ACBD6: variants seen among roughly 807,000 people sequenced by gnomAD.
ACBD6 encodes the protein acyl-CoA-binding domain-containing protein 6.
A neutral mutation model predicts 37.2 loss-of-function variants in ACBD6; 28 were observed. That is an observed-to-expected ratio of 0.75 (90% confidence interval 0.56 to 1.03). ACBD6 has a LOEUF of 1.03. Among genes scored for constraint, ACBD6 ranks in the 50% least tolerant of loss-of-function variants. The pLI is 0.00. For missense variants in ACBD6, 340 were observed against 337.4 expected, an observed-to-expected ratio of 1.01 and a Z score of -0.06; for synonymous variants, 113 against 126.8, an observed-to-expected ratio of 0.89 and a Z score of 0.73.
intron 6 of ACBD6, among the ~76,000 whole-genome samples, chr1:180,337,238 G>A (rs1439319436): frequency 6.6e-6 from 1 of 151,926 alleles, no homozygotes; most frequent in Non-Finnish European, 1.5e-5. Context: ...GATGAACATC[G>A]ATGCAAAAAT....
intron 7 of ACBD6, among the ~76,000 whole-genome samples, chr1:180,309,790 G>A (rs529029475): frequency 2.6e-4 from 40 of 152,194 alleles, no homozygotes; most frequent in Admixed American, 7.8e-4. Flanking sequence ...TTGACTCTCC[G>A]GTTATTTGAC....
chr1:180,328,663 T>C (rs943735607), intron 6 of ACBD6, among the ~76,000 whole-genome samples: 1 of 152,146 alleles, frequency 6.6e-6, no homozygotes, highest in Non-Finnish European at 1.5e-5. Flanking sequence ...TCAAGCAAAC[T>C]GGCTGTGAGA....
chr1:180,361,060 T>C (rs1652829070), intron 6 of ACBD6, among the ~76,000 whole-genome samples: 1 of 152,114 alleles, frequency 6.6e-6, no homozygotes, highest in African/African-American at 2.4e-5. Flanking sequence ...AATTGGATTG[T>C]CCCCCCATTT....
chr1:180,403,803 G>A (rs765399429), intron 5 of ACBD6, among the ~76,000 whole-genome samples: 9 of 152,162 alleles, frequency 5.9e-5, no homozygotes, highest in Non-Finnish European at 1.0e-4. Flanking sequence ...ACGTTACACT[G>A]AGTGAAATAA....
At chr1:180,385,023 A>T (rs149783009) in intron 6 of ACBD6, among the ~76,000 whole-genome samples, 1 of 152,178 alleles carries the variant, frequency 6.6e-6, no homozygotes, top group Non-Finnish European at 1.5e-5. Context: ...GGAGGTAGTG[A>T]TGAAAAGAGT....
Position 180,502,448 on chromosome 1 carries a change from G to A in ACBD6, c.-182C>T, listed in dbSNP as rs1652026766. On this transcript the variant is annotated 5_prime_UTR_variant, in exon 1 of 8. It adds an upstream start codon to the 5' untranslated region. Transcript: ENST00000367595. ...CCCTGCCCACTTCTACTCCCTGGGCGTGCAGAGCAGGCTCCTCGACCCTCT... is the reference window on the plus strand; with the variant it reads ...CCCTGCCCACTTCTACTCCCTGGGCATGCAGAGCAGGCTCCTCGACCCTCT... 2.9e-6 allele frequency: 2 copies of A among 686,292 alleles called. No homozygotes were observed. Among genetic ancestry groups the A allele is most frequent in the East Asian group, 5.5e-5 (2 of 36,576 alleles). The allele number at this position is 686,292 out of a possible 1,614,324, so 42.5% of individuals were successfully genotyped here.
chr1:180,364,733 TATC>T (rs1169168811), intron 6 of ACBD6, among the ~76,000 whole-genome samples: 20 of 91,632 alleles, frequency 2.2e-4, no homozygotes, highest in African/African-American at 7.9e-4. Flanking sequence ...AATTCCTTTC[TATC>T]TTTTTTTTTT....
chr1:180,419,927 T>C (rs1032482640), intron 4 of ACBD6, among the ~76,000 whole-genome samples: 4 of 152,154 alleles, frequency 2.6e-5, no homozygotes, highest in African/African-American at 7.2e-5. Context: ...CCCTTTTTAG[T>C]TTGTTTCTCT....
intron 3 of ACBD6, among the ~76,000 whole-genome samples, chr1:180,481,207 T>C (rs1651029685): frequency 6.6e-6 from 1 of 151,786 alleles, no homozygotes; most frequent in East Asian, 1.9e-4. Flanking sequence ...TTCATTCATT[T>C]ATGTTAATGG....
intron 6 of ACBD6, among the ~76,000 whole-genome samples, chr1:180,354,318 AT>A (rs1652538519): frequency 6.6e-6 from 1 of 152,330 alleles, no homozygotes; most frequent in Non-Finnish European, 1.5e-5. Context: ...TGAAGCTACA[AT>A]GTCAGTTTTG....
intron 4 of ACBD6, among the ~76,000 whole-genome samples, chr1:180,414,969 C>T (rs113247770): frequency 6.6e-6 from 1 of 151,976 alleles, no homozygotes; most frequent in East Asian, 1.9e-4. Flanking sequence ...CACCATGTTT[C>T]GGGAGGCTGA....
At chr1:180,273,874 A>G (rs899447059) in intron 11 of ACBD6, 7 of 402,728 alleles carry the variant, frequency 1.7e-5, no homozygotes, top group Non-Finnish European at 2.8e-5. Context: ...AGCCTTAGGC[A>G]TTCATCCTCC....
chr1:180,279,341 G>T (rs1649235709), intron 9 of ACBD6, among the ~76,000 whole-genome samples: 1 of 152,168 alleles, frequency 6.6e-6, no homozygotes, highest in South Asian at 2.1e-4. Flanking sequence ...CTGTTGCCCA[G>T]GCTGGAGTGC....
At chr1:180,345,122 T>G (rs562671965) in intron 6 of ACBD6, among the ~76,000 whole-genome samples, 1 of 152,332 alleles carries the variant, frequency 6.6e-6, no homozygotes, top group South Asian at 2.1e-4. Context: ...GCATTCAAAG[T>G]TAGGTAAATA....
chr1:180,339,692 A>C (rs761573715), intron 6 of ACBD6, among the ~76,000 whole-genome samples: 1 of 152,138 alleles, frequency 6.6e-6, no homozygotes, highest in Non-Finnish European at 1.5e-5. Context: ...TAAAAAAAGA[A>C]AAAAAGAAAT....
At chr1:180,354,839 G>T (rs1327513242) in intron 6 of ACBD6, among the ~76,000 whole-genome samples, 1 of 152,060 alleles carries the variant, frequency 6.6e-6, no homozygotes, top group Non-Finnish European at 1.5e-5. Context: ...AAATAAGAAG[G>T]TCTTATTTCT....
chr1:180,364,455 A>G (rs1435757562), intron 6 of ACBD6, among the ~76,000 whole-genome samples: 1 of 152,256 alleles, frequency 6.6e-6, no homozygotes, highest in Non-Finnish European at 1.5e-5. Context: ...TCTTCAAATA[A>G]CAGAACGGTT....
At chr1:180,318,745 CA>C (rs1650935022) in intron 6 of ACBD6, among the ~76,000 whole-genome samples, 1 of 152,172 alleles carries the variant, frequency 6.6e-6, no homozygotes, top group African/African-American at 2.4e-5. Context: ...TAGAATTTTT[CA>C]GTCTACTCTG....
intron 3 of ACBD6, among the ~76,000 whole-genome samples, chr1:180,433,758 C>T (rs543563190): frequency 1.3e-5 from 2 of 152,224 alleles, no homozygotes; most frequent in South Asian, 4.1e-4. Context: ...GAGCAAGCCT[C>T]AGGAAAGAGA....
Sources: allele counts gnomAD v4.1 joint callset (sites outside exome capture counted in the v4.1 genomes callset), GRCh38; gene constraint gnomAD v4.1.1; transcripts MANE v1.5; gene names NCBI Gene and HGNC (gene_info 2026-07-23, HGNC 2026-07-21).